CNTN5: variants seen among roughly 807,000 people sequenced by gnomAD.
CNTN5 encodes the protein contactin-5.
Under a neutral mutation model 129.1 loss-of-function variants are expected in CNTN5, and 77 were observed. The observed-to-expected ratio is 0.60, with a 90% CI of 0.50 to 0.72. The LOEUF (loss-of-function observed/expected upper bound fraction) is 0.72, where lower values mean the gene tolerates loss of function less well. Ranked by LOEUF, CNTN5 falls within the 30% of genes least tolerant of loss-of-function variation. The pLI, the probability that CNTN5 is intolerant of heterozygous loss-of-function variation, is 0.00. For synonymous variants in CNTN5, 509 were observed against 465.6 expected (o/e 1.09, Z -1.20); for missense variants, 1,478 against 1,328.8 (o/e 1.11, Z -1.75).
chr11:99,374,606 C>A (rs1940045676), intron 2 of CNTN5, among the ~76,000 whole-genome samples: 2 of 152,076 alleles, frequency 1.3e-5, no homozygotes, highest in African/African-American at 4.8e-5. Flanking sequence ...ATGGCGTGAA[C>A]CCAGGAGGCG....
At chr11:99,728,434 TTTG>T (rs1207390017) in intron 3 of CNTN5, among the ~76,000 whole-genome samples, 9 of 152,280 alleles carry the variant, frequency 5.9e-5, no homozygotes, top group African/African-American at 1.2e-4. Context: ...AGAGTAGCTC[TTTG>T]TTGTTGTTGT....
chr11:99,964,642 A>T (rs943870478), intron 8 of CNTN5, among the ~76,000 whole-genome samples: 4 of 152,108 alleles, frequency 2.6e-5, no homozygotes, highest in African/African-American at 9.7e-5. Flanking sequence ...TGTCTCTGCC[A>T]GGCTTTGGTA....
intron 15 of CNTN5, among the ~76,000 whole-genome samples, chr11:100,217,245 T>C (rs1035594079): frequency 1.5e-5 from 2 of 129,618 alleles, no homozygotes; most frequent in African/African-American, 2.9e-5. Flanking sequence ...AGATAGCATA[T>C]TTTATGCCAG....
intron 2 of CNTN5, among the ~76,000 whole-genome samples, chr11:99,371,261 A>G (rs1472290067): frequency 1.3e-5 from 2 of 152,096 alleles, no homozygotes; most frequent in Non-Finnish European, 2.9e-5. Flanking sequence ...TTTTAATGTA[A>G]AAATTTTAAA....
chr11:100,022,527 ATTTG>A (rs1175449316), intron 9 of CNTN5, among the ~76,000 whole-genome samples: 3 of 152,190 alleles, frequency 2.0e-5, no homozygotes. Flanking sequence ...CAATGATACT[ATTTG>A]TTTGACTTTA....
chr11:100,123,997 T>C (rs1946105151), intron 13 of CNTN5, among the ~76,000 whole-genome samples: 1 of 152,050 alleles, frequency 6.6e-6, no homozygotes, highest in South Asian at 2.1e-4. Context: ...CAAATGGGCT[T>C]ATAAACCAAA....
intron 1 of CNTN5, among the ~76,000 whole-genome samples, chr11:99,086,585 C>A (rs1328985928): frequency 6.6e-6 from 1 of 152,052 alleles, no homozygotes; most frequent in African/African-American, 2.4e-5. Flanking sequence ...ATTCACTGGG[C>A]AGGGATTGAT....
chr11:99,406,723 T>C (rs1942086604), intron 2 of CNTN5, among the ~76,000 whole-genome samples: 1 of 152,220 alleles, frequency 6.6e-6, no homozygotes, highest in South Asian at 2.1e-4. Context: ...GAAGTTTACC[T>C]GGTGTTCTGT....
At chr11:99,056,507 C>T (rs1864630341) in intron 1 of CNTN5, among the ~76,000 whole-genome samples, 1 of 152,012 alleles carries the variant, frequency 6.6e-6, no homozygotes, top group Non-Finnish European at 1.5e-5. Flanking sequence ...ATGCTGGATA[C>T]TGATGCTACC....
intron 3 of CNTN5, among the ~76,000 whole-genome samples, chr11:99,568,585 A>G (rs1156711908): frequency 6.6e-6 from 1 of 152,218 alleles, no homozygotes; most frequent in Non-Finnish European, 1.5e-5. Flanking sequence ...AAGTGGAAAG[A>G]CAATTACATT....
chr11:99,423,256 A>G (rs1274279015), intron 2 of CNTN5, among the ~76,000 whole-genome samples: 2 of 152,130 alleles, frequency 1.3e-5, no homozygotes, highest in Non-Finnish European at 2.9e-5. Context: ...TCAGAGGAAA[A>G]AGCAGCTTCT....
intron 1 of CNTN5, among the ~76,000 whole-genome samples, chr11:99,307,914 A>G (rs1299874443): frequency 6.6e-6 from 1 of 152,228 alleles, no homozygotes; most frequent in Non-Finnish European, 1.5e-5. Context: ...CCAAACCAGC[A>G]TAGGCTTACA....
intron 3 of CNTN5, among the ~76,000 whole-genome samples, chr11:99,679,938 A>G (rs1023494959): frequency 5.4e-4 from 83 of 152,298 alleles, no homozygotes; most frequent in African/African-American, 1.9e-3. Flanking sequence ...ATGTAGAGAC[A>G]GTTTGAGTGG....
intron 17 of CNTN5, among the ~76,000 whole-genome samples, chr11:100,269,705 G>A (rs1405410611): frequency 1.3e-5 from 2 of 152,112 alleles, no homozygotes; most frequent in African/African-American, 4.8e-5. Context: ...CAAGAATGAG[G>A]GAGAGATATG....
chr11:99,377,787 CACTT>C (rs1419532767), intron 2 of CNTN5, among the ~76,000 whole-genome samples: 3 of 136,488 alleles, frequency 2.2e-5, no homozygotes, highest in Non-Finnish European at 4.9e-5. Flanking sequence ...ATTAGTTCCT[CACTT>C]AGTCTTAGAG....
chr11:100,162,158 CCAGA>C (rs1947477442), intron 13 of CNTN5, among the ~76,000 whole-genome samples: 1 of 151,742 alleles, frequency 6.6e-6, no homozygotes, highest in African/African-American at 2.4e-5. Context: ...TCTGCAACAT[CCAGA>C]CAGTGAAAGT....
chr11:99,121,640 T>G (rs536111672), intron 1 of CNTN5, among the ~76,000 whole-genome samples: 2 of 152,296 alleles, frequency 1.3e-5, no homozygotes, highest in South Asian at 4.1e-4. Flanking sequence ...TTGGCAACTT[T>G]TTAAAGGTAA....
At chr11:100,145,911 C>A (rs905512944) in intron 13 of CNTN5, among the ~76,000 whole-genome samples, 1 of 152,128 alleles carries the variant, frequency 6.6e-6, no homozygotes, top group East Asian at 1.9e-4. Flanking sequence ...AATAGCCGTT[C>A]TCTAACAGTC....
chr11:99,343,887 C>CA (rs147595549), intron 2 of CNTN5, among the ~76,000 whole-genome samples: 3,507 of 150,932 alleles, frequency 0.023, 142 homozygotes, highest in African/African-American at 0.08. Context: ...CTAAGTGAAA[C>CA]AAAAAAAAAT....
Sources: allele counts gnomAD v4.1 joint callset (sites outside exome capture counted in the v4.1 genomes callset), GRCh38; gene constraint gnomAD v4.1.1; transcripts MANE v1.5; gene names NCBI Gene and HGNC (gene_info 2026-07-23, HGNC 2026-07-21).